The following LRRTM4 variants were observed in gnomAD, a reference collection of about 807,000 sequenced individuals.
LRRTM4 encodes the protein leucine-rich repeat transmembrane neuronal protein 4.
Under a neutral mutation model 47.6 loss-of-function variants are expected in LRRTM4, and 25 were observed. The ratio of observed to expected loss-of-function variants is 0.53; its 90% CI spans 0.38 to 0.73. LRRTM4 has a LOEUF of 0.73. LRRTM4 is among the 30% of genes least tolerant of loss of function. The probability of loss-of-function intolerance (pLI) is 0.00; values close to 1 mark genes in which losing one functional copy is unlikely to be tolerated. For missense variants in LRRTM4, 638 were observed against 713.4 expected, an observed-to-expected ratio of 0.89 and a Z score of 1.20; for synonymous variants, 311 against 269.5, an observed-to-expected ratio of 1.15 and a Z score of -1.51.
chr2:77,080,925 G>T (rs1352718187), intron 3 of LRRTM4, among the ~76,000 whole-genome samples: 4 of 152,092 alleles, frequency 2.6e-5, no homozygotes, highest in African/African-American at 9.7e-5. Context: ...CAGCTTCAGG[G>T]CTTTTGTGCT....
chr2:77,037,510 CAT>C (rs1410897928), intron 3 of LRRTM4, among the ~76,000 whole-genome samples: 3 of 151,584 alleles, frequency 2.0e-5, no homozygotes, highest in African/African-American at 7.3e-5. Context: ...TACTTGCAAA[CAT>C]AAAAAAATGC....
intron 3 of LRRTM4, among the ~76,000 whole-genome samples, chr2:76,991,885 A>T (rs528067325): frequency 6.6e-6 from 1 of 152,054 alleles, no homozygotes; most frequent in South Asian, 2.1e-4. Context: ...AAAAATCATC[A>T]ACAAAATATT....
At chr2:76,840,246 A>G (rs1278049834) in intron 3 of LRRTM4, among the ~76,000 whole-genome samples, 1 of 152,242 alleles carries the variant, frequency 6.6e-6, no homozygotes, top group Non-Finnish European at 1.5e-5. Context: ...ACTATAGTTT[A>G]AATAAAATAC....
At chr2:76,880,695 C>G (rs147083632) in intron 3 of LRRTM4, among the ~76,000 whole-genome samples, 2 of 152,070 alleles carry the variant, frequency 1.3e-5, no homozygotes, top group Non-Finnish European at 2.9e-5. Flanking sequence ...CAAACTGATT[C>G]GATCCCTAGG....
chr2:77,336,529 G>A (rs1671175148), intron 3 of LRRTM4, among the ~76,000 whole-genome samples: 2 of 152,036 alleles, frequency 1.3e-5, no homozygotes, highest in South Asian at 4.1e-4. Flanking sequence ...TACAATTAAG[G>A]GGGCTTTATT....
chr2:77,417,705 T>C (rs532823676), intron 3 of LRRTM4, among the ~76,000 whole-genome samples: 5 of 149,346 alleles, frequency 3.3e-5, no homozygotes, highest in African/African-American at 7.4e-5. Flanking sequence ...TAGGTGGGAA[T>C]TGAACAATGA....
chr2:77,264,192 A>G (rs566100360), intron 3 of LRRTM4, among the ~76,000 whole-genome samples: 90 of 152,202 alleles, frequency 5.9e-4, no homozygotes, highest in African/African-American at 2.1e-3. Context: ...GAGGCTGGAA[A>G]TCTAAGGACA....
rs1407639842 is a variant in LRRTM4 at position 77,072,965 on chromosome 2, C to T, written c.1552-324049G>A. Reference sequence around the variant, plus strand: ...AGCATAAATATTATTCTTAAGCACACTATATAGATTGTTGCTTCCTAAAGT... The same window carrying T: ...AGCATAAATATTATTCTTAAGCACATTATATAGATTGTTGCTTCCTAAAGT... On this transcript the variant is annotated intron_variant, in intron 3 of 3. Transcript: ENST00000409884. Among the ~76,000 whole-genome samples, 6 of 152,106 alleles carry T rather than the reference C, an allele frequency of 3.9e-5. No individual in the cohort carries two copies. The South Asian group carries it at 8.3e-4, about 21-fold the overall frequency.
At chr2:77,356,407 T>A (rs1671970467) in intron 3 of LRRTM4, among the ~76,000 whole-genome samples, 1 of 151,778 alleles carries the variant, frequency 6.6e-6, no homozygotes, top group East Asian at 1.9e-4. Flanking sequence ...AATACATAAA[T>A]ATGGAAGAAA....
At chr2:76,978,668 A>G (rs1676497979) in intron 3 of LRRTM4, among the ~76,000 whole-genome samples, 1 of 152,038 alleles carries the variant, frequency 6.6e-6, no homozygotes, top group African/African-American at 2.4e-5. Flanking sequence ...AGCACTTTCA[A>G]CAGTACTACA....
chr2:77,465,506 T>C (rs186948992), intron 3 of LRRTM4, among the ~76,000 whole-genome samples: 1 of 152,268 alleles, frequency 6.6e-6, no homozygotes, highest in East Asian at 1.9e-4. Flanking sequence ...AGGACATTTG[T>C]ATTTAAAAGC....
rs78398220 is a variant in LRRTM4, at chr2:76,760,739, A to G, written c.1552-11823T>C. On this transcript the variant is annotated intron_variant, in intron 3 of 3. Coordinates refer to ENST00000409884, the MANE Select transcript of LRRTM4 (RefSeq NM_001134745.3). ...ACTGACTTAGCGTTTTGCAAAAAAA[A>G]TCATCTCTACCTTCTAATGAGCAGT... 8.0e-3 allele frequency among the ~76,000 whole-genome samples: 1,217 copies of G among 152,292 alleles called. 16 individuals carry two copies. The highest frequency in any genetic ancestry group is 0.028 in the African/African-American group (1,157 of 41,552).
At chr2:76,810,433 TTTTA>T (rs1393493463) in intron 3 of LRRTM4, among the ~76,000 whole-genome samples, 1 of 152,064 alleles carries the variant, frequency 6.6e-6, no homozygotes, top group Non-Finnish European at 1.5e-5. Flanking sequence ...TCACACTGAG[TTTTA>T]TTATTTTTGC....
intron 3 of LRRTM4, among the ~76,000 whole-genome samples, chr2:77,230,541 T>C (rs1674933742): frequency 6.6e-6 from 1 of 152,168 alleles, no homozygotes; most frequent in African/African-American, 2.4e-5. Flanking sequence ...TGTGAAGAAA[T>C]AGCAATCCCA....
At chr2:77,390,654 A>C (rs141508628) in intron 3 of LRRTM4, among the ~76,000 whole-genome samples, 71 of 151,796 alleles carry the variant, frequency 4.7e-4, no homozygotes, top group African/African-American at 1.5e-3. Context: ...CTATAAATTT[A>C]ATTTATCTTT....
chr2:77,296,901 G>C (rs1676989676), intron 3 of LRRTM4, among the ~76,000 whole-genome samples: 1 of 152,198 alleles, frequency 6.6e-6, no homozygotes, highest in African/African-American at 2.4e-5. Flanking sequence ...TAGTGACATA[G>C]TTAAGATGCT....
chr2:77,077,229 G>T (rs1680366747), intron 3 of LRRTM4, among the ~76,000 whole-genome samples: 1 of 152,072 alleles, frequency 6.6e-6, no homozygotes, highest in African/African-American at 2.4e-5. Context: ...ACTTAAAACA[G>T]AAGTATCAGT....
At chr2:76,989,668 T>C (rs1010461738) in intron 3 of LRRTM4, among the ~76,000 whole-genome samples, 5 of 118,160 alleles carry the variant, frequency 4.2e-5, no homozygotes, top group African/African-American at 1.6e-4. Flanking sequence ...ATGGCAGTAA[T>C]GGATCTCAGT....
intron 3 of LRRTM4, among the ~76,000 whole-genome samples, chr2:77,045,835 T>C (rs772807838): frequency 3.3e-5 from 5 of 151,988 alleles, no homozygotes; most frequent in Non-Finnish European, 7.4e-5. Flanking sequence ...GCATTTTTTT[T>C]GCTATCATCT....
Sources: allele counts gnomAD v4.1 joint callset (sites outside exome capture counted in the v4.1 genomes callset), GRCh38; gene constraint gnomAD v4.1.1; transcripts MANE v1.5; gene names NCBI Gene and HGNC (gene_info 2026-07-23, HGNC 2026-07-21).